Variants in NRG1 observed in about 807,000 individuals in gnomAD.
The protein encoded by NRG1 is neuregulin 1, also known as pro-neuregulin-1, membrane-bound isoform.
A neutral mutation model predicts 63.8 loss-of-function variants in NRG1; 18 were observed. That is an observed-to-expected ratio of 0.28 (90% CI 0.19 to 0.42). The LOEUF (loss-of-function observed/expected upper bound fraction) is 0.42. NRG1 is among the 10% of genes least tolerant of loss of function. The probability of loss-of-function intolerance (pLI) is 1.00; values close to 1 mark genes in which losing one functional copy is unlikely to be tolerated. For missense variants in NRG1, 762 were observed against 814.7 expected (o/e 0.94, Z 0.79); for synonymous variants, 302 against 301.3 (o/e 1.00, Z -0.02).
rs921805460 is a variant in NRG1 at position 32,400,516 on chromosome 8, T to C, written c.38-195312T>C. 6.6e-5 allele frequency among the ~76,000 whole-genome samples: 10 copies of C among 152,162 alleles called. No individual in the cohort carries two copies. In the South Asian group the frequency reaches 2.1e-3, roughly 32 times the overall value. ...AACAGACACTTTTCAAGAGAAGATA[T>C]ACACATGGCCAATAAGCATATGGAA... On this transcript the variant is annotated intron_variant, in intron 1 of 10. Coordinates refer to the NRG1 transcript ENST00000519301.
In NRG1 at chr8:31,858,424, A is replaced by T. The variant is rs140871887; in HGVS notation, c.37+218993A>T. ...AGTGGATGCCTCATGAGCTGAGAGA[A>T]AATTAAAAAATCATTATTTTGAAGG... is the stretch of plus-strand genomic sequence containing the variant. On this transcript the variant is annotated intron_variant, in intron 1 of 10. Transcript: ENST00000519301. Among the ~76,000 whole-genome samples the T allele has an allele frequency of 5.9e-3, 901 of 152,306 alleles. 12 individuals carry two copies. The highest frequency in any genetic ancestry group is 0.019 in the African/African-American group (810 of 41,554).
intron 1 of NRG1, 92 bp downstream of exon 1, chr8:32,548,918 T>G (rs991808095): frequency 7.0e-7 from 1 of 1,422,640 alleles, no homozygotes; most frequent in Non-Finnish European, 9.3e-7. Flanking sequence ...TCCCTCCCCC[T>G]CTCCCTCGCC....
intron 5 of NRG1, among the ~76,000 whole-genome samples, chr8:32,650,932 A>G (rs1854975743): frequency 6.6e-6 from 1 of 152,014 alleles, no homozygotes; most frequent in Non-Finnish European, 1.5e-5. Flanking sequence ...AAGGTCATAG[A>G]CTGTTGAAGG....
chr8:32,115,036 C>CT lies in NRG1; in HGVS notation c.37+475617dup, dbSNP rs556636753. Among the ~76,000 whole-genome samples the CT allele has an allele frequency of 2.3e-3, 342 of 147,328 alleles. 1 individual carries two copies. Among genetic ancestry groups the CT allele is most frequent in the African/African-American group, 7.2e-3 (292 of 40,408 alleles). ...CTTACAGTCAAAAATCTGTTTATAACTTTTTTTTTTTTCAGATGGAGTCTT... is the reference window on the plus strand; with the variant it reads ...CTTACAGTCAAAAATCTGTTTATAACTTTTTTTTTTTTTCAGATGGAGTCTT... On this transcript the variant is annotated intron_variant, in intron 1 of 10. Coordinates refer to the NRG1 transcript ENST00000519301.
At chr8:32,332,464 C>T (rs1802769115) in intron 1 of NRG1, among the ~76,000 whole-genome samples, 1 of 152,172 alleles carries the variant, frequency 6.6e-6, no homozygotes, top group Non-Finnish European at 1.5e-5. Context: ...GTGTGCTTCC[C>T]TTGCCTTCCT....
At chr8:32,536,644 C>T (rs936293871) in intron 1 of NRG1, among the ~76,000 whole-genome samples, 1 of 151,856 alleles carries the variant, frequency 6.6e-6, no homozygotes, top group Non-Finnish European at 1.5e-5. Context: ...TTTGTTGGGC[C>T]GAGCGCGGTG....
chr8:32,033,605 G>A (rs1818606417), intron 1 of NRG1, among the ~76,000 whole-genome samples: 1 of 152,020 alleles, frequency 6.6e-6, no homozygotes, highest in African/African-American at 2.4e-5. Flanking sequence ...CCATTTGTTT[G>A]TGTCCTCTCT....
intron 1 of NRG1, among the ~76,000 whole-genome samples, chr8:32,521,549 T>C (rs1014820623): frequency 2.0e-5 from 3 of 152,070 alleles, no homozygotes; most frequent in Non-Finnish European, 4.4e-5. Context: ...AGAAAATAAA[T>C]AGGAAGAATA....
chr8:32,439,867 C>A (rs1184596938), intron 1 of NRG1, among the ~76,000 whole-genome samples: 1 of 135,404 alleles, frequency 7.4e-6, no homozygotes, highest in African/African-American at 2.6e-5. Context: ...ATCTTCTGGG[C>A]TCAAGCAATC....
intron 1 of NRG1, among the ~76,000 whole-genome samples, chr8:31,871,389 A>C (rs577701132): frequency 3.3e-5 from 5 of 152,236 alleles, no homozygotes; most frequent in African/African-American, 1.2e-4. Context: ...GAGACCCTCA[A>C]GAAGAATCTC....
rs1407543036 is a variant in NRG1, at chr8:32,049,249, C to T, written c.37+409818C>T. 2.0e-5 allele frequency among the ~76,000 whole-genome samples: 3 copies of T among 152,100 alleles called. No individual in the cohort carries two copies. In the East Asian group the frequency reaches 5.8e-4, roughly 29 times the overall value. On this transcript the variant is annotated intron_variant, in intron 1 of 10. Coordinates refer to the NRG1 transcript ENST00000519301. ...CTGCAGAGCTTGGTATCAGGCATTG[C>T]TTGTATTTAATCTTTCCCTAAGCAT... is the stretch of plus-strand genomic sequence containing the variant.
At chr8:32,450,984 T>G (rs1327847193) in intron 1 of NRG1, among the ~76,000 whole-genome samples, 1 of 152,150 alleles carries the variant, frequency 6.6e-6, no homozygotes, top group Non-Finnish European at 1.5e-5. Flanking sequence ...CTCAACTACC[T>G]TTTAACACAA....
chr8:32,501,677 G>C (rs1190819495), intron 1 of NRG1, among the ~76,000 whole-genome samples: 1 of 152,172 alleles, frequency 6.6e-6, no homozygotes, highest in Non-Finnish European at 1.5e-5. Flanking sequence ...AAATATGGAA[G>C]ATAACATAAT....
chr8:32,585,824 G>T (rs919997097), intron 1 of NRG1, among the ~76,000 whole-genome samples: 1 of 152,178 alleles, frequency 6.6e-6, no homozygotes, highest in Non-Finnish European at 1.5e-5. Context: ...CCCAGGTTTT[G>T]TGAGGAAAAT....
At chr8:32,031,304 C>T (rs1818222797) in intron 1 of NRG1, among the ~76,000 whole-genome samples, 1 of 152,180 alleles carries the variant, frequency 6.6e-6, no homozygotes, top group African/African-American at 2.4e-5. Context: ...GGCCTTTTCC[C>T]ATTCTTTAGT....
chr8:32,232,341 T>C (rs966954333), intron 1 of NRG1, among the ~76,000 whole-genome samples: 1 of 152,154 alleles, frequency 6.6e-6, no homozygotes, highest in Non-Finnish European at 1.5e-5. Context: ...ATGGGTAGTG[T>C]TTTGTTTTGT....
At chr8:32,082,422 T>C (rs1374474462) in intron 1 of NRG1, among the ~76,000 whole-genome samples, 1 of 152,102 alleles carries the variant, frequency 6.6e-6, no homozygotes, top group African/African-American at 2.4e-5. Flanking sequence ...TATGTGTCCA[T>C]GAGTTTTCAT....
At chr8:32,653,402 T>C (rs73678417) in intron 5 of NRG1, among the ~76,000 whole-genome samples, 2,299 of 152,268 alleles carry the variant, frequency 0.015, 57 homozygotes, top group African/African-American at 0.053. Context: ...CTCCTGTCTT[T>C]TCTTAATATG....
chr8:32,103,827 C>T (rs778061181), intron 1 of NRG1, among the ~76,000 whole-genome samples: 11 of 152,016 alleles, frequency 7.2e-5, no homozygotes, highest in East Asian at 1.9e-4. Context: ...AGATGAGGAG[C>T]GAGCAAAGGA....
Sources: gnomAD v4.1 joint callset for allele counts (sites outside exome capture counted in the v4.1 genomes callset) on GRCh38, gnomAD v4.1.1 for gene constraint, MANE v1.5 for transcripts, NCBI Gene and HGNC (gene_info 2026-07-23, HGNC 2026-07-21) for gene names.